Variants in AFTPH observed in about 807,000 individuals in gnomAD.
AFTPH encodes the protein aftiphilin, also known as aftiphilin protein.
AFTPH carries 7 observed loss-of-function variants against 72.5 expected under a neutral mutation model. That is an observed-to-expected ratio of 0.10 (90% CI 0.05 to 0.18). AFTPH has a LOEUF of 0.18. Among genes scored for constraint, AFTPH ranks in the 10% least tolerant of loss-of-function variants. The probability of loss-of-function intolerance (pLI) is 1.00; values close to 1 mark genes in which losing one functional copy is unlikely to be tolerated. For synonymous variants in AFTPH, 337 were observed against 370.1 expected, an observed-to-expected ratio of 0.91 and a Z score of 1.03; for missense variants, 979 against 1,060.5, an observed-to-expected ratio of 0.92 and a Z score of 1.07.
intron 1 of AFTPH, among the ~76,000 whole-genome samples, chr2:64,533,492 A>AT (rs973029892): frequency 9.8e-5 from 15 of 152,330 alleles, no homozygotes; most frequent in African/African-American, 3.4e-4. Flanking sequence ...CCCATTTGTG[A>AT]TTTTTTAACA....
At chr2:64,524,729 G>A (rs1337114128) in intron 1 of AFTPH, 117 bp downstream of exon 1, 5 of 373,828 alleles carry the variant, frequency 1.3e-5, no homozygotes, top group Non-Finnish European at 1.4e-5. Flanking sequence ...CCGCGGAGCC[G>A]GGAGCTGTGA....
chr2:64,531,330 C>T (rs1669622663), intron 1 of AFTPH, among the ~76,000 whole-genome samples: 1 of 152,162 alleles, frequency 6.6e-6, no homozygotes, highest in African/African-American at 2.4e-5. Flanking sequence ...AATAAAATCA[C>T]TCCTACCAGC....
intron 1 of AFTPH, among the ~76,000 whole-genome samples, chr2:64,545,647 G>A (rs1450686009): frequency 1.5e-5 from 2 of 132,302 alleles, no homozygotes; most frequent in South Asian, 2.4e-4. Context: ...CAACCAGAAT[G>A]GACCTCGAGG....
chr2:64,591,005 T>G lies in AFTPH; in HGVS notation c.2580-880T>G, dbSNP rs74641999. Among the ~76,000 whole-genome samples, 1,156 of 152,314 alleles carry G rather than the reference T, an allele frequency of 7.6e-3. 11 individuals are homozygous for G. Among genetic ancestry groups the G allele is most frequent in the African/African-American group, 0.026 (1,079 of 41,554 alleles). On this transcript the variant is annotated intron_variant, in intron 8 of 8. Coordinates refer to ENST00000238856, the Ensembl canonical transcript of AFTPH. ...TTTTATAATGAACAACTTGAAATGA[T>G]TTTTGGTCTAAAGCGAATAATATGT...
chr2:64,538,362 T>C (rs1395883174), intron 1 of AFTPH, among the ~76,000 whole-genome samples: 1 of 152,224 alleles, frequency 6.6e-6, no homozygotes, highest in Non-Finnish European at 1.5e-5. Context: ...GTCAACCAGC[T>C]AGGAATTTGT....
chr2:64,574,819 C>G (rs58076651), intron 6 of AFTPH, among the ~76,000 whole-genome samples: 1 of 152,184 alleles, frequency 6.6e-6, no homozygotes, highest in African/African-American at 2.4e-5. Context: ...TGCCCTGATA[C>G]GCCCTCTGGC....
intron 2 of AFTPH, among the ~76,000 whole-genome samples, chr2:64,567,248 C>T (rs186652184): frequency 8.5e-5 from 13 of 152,262 alleles, no homozygotes; most frequent in Admixed American, 8.5e-4. Context: ...ATTGCTTTCT[C>T]ACTGTACAAT....
chr2:64,591,687 G>A (rs934881726), intron 8 of AFTPH, among the ~76,000 whole-genome samples: 4 of 152,058 alleles, frequency 2.6e-5, no homozygotes, highest in East Asian at 3.9e-4. Flanking sequence ...TAAATAGGCC[G>A]CACGTCACTC....
chr2:64,532,082 A>G (rs1195151565), intron 1 of AFTPH, among the ~76,000 whole-genome samples: 2 of 152,196 alleles, frequency 1.3e-5, no homozygotes, highest in African/African-American at 2.4e-5. Context: ...TCTGAAAGAA[A>G]TATGTGTAGG....
Position 64,540,425 on chromosome 2 carries a change from A to G in AFTPH, c.-32-11018A>G, listed in dbSNP as rs572831980. On this transcript the variant is annotated intron_variant, in intron 1 of 8. Transcript: ENST00000238856. The stretch of plus-strand genomic sequence containing the variant: ...GATATGATGAGTTAAAGGTACAACA[A>G]TCTCTAATATTTTTATCTTGTTTAA... 4.6e-5 allele frequency among the ~76,000 whole-genome samples: 7 copies of G among 152,284 alleles called. No individual in the cohort carries two copies. The South Asian group carries it at 1.4e-3, about 32-fold the overall frequency.
At chr2:64,585,570 C>G in intron 8 of AFTPH, 25 bp downstream of exon 9, 1 of 1,573,426 alleles carries the variant, frequency 6.4e-7, no homozygotes, top group South Asian at 1.2e-5. Context: ...TCAATTATAC[C>G]CACATTTTGA....
intron 6 of AFTPH, among the ~76,000 whole-genome samples, chr2:64,577,721 G>A (rs1189750334): frequency 6.6e-6 from 1 of 152,212 alleles, no homozygotes; most frequent in Middle Eastern, 3.4e-3. Context: ...TGTGCAGGTA[G>A]GTTATAAACT....
At chr2:64,548,715 T>G (rs1209008758) in intron 1 of AFTPH, among the ~76,000 whole-genome samples, 1 of 152,028 alleles carries the variant, frequency 6.6e-6, no homozygotes, top group African/African-American at 2.4e-5. Context: ...TAGTTAGAGG[T>G]CAGATTACCT....
exon 2 of AFTPH, chr2:64,552,100 G>T (rs376875544): frequency 1.9e-6 from 3 of 1,614,022 alleles, no homozygotes; most frequent in East Asian, 2.2e-5. Context: ...TCAAAGGGAC[G>T]GAAGCCTCTT....
At chr2:64,572,902 C>A in intron 5 of AFTPH, 44 bp from the exon 6 acceptor site, 1 of 1,604,804 alleles carries the variant, frequency 6.2e-7, no homozygotes, top group Non-Finnish European at 8.5e-7. Flanking sequence ...AGTTTATGGG[C>A]TGTGCACCCC....
intron 1 of AFTPH, chr2:64,525,650 T>C (rs1365239721): frequency 6.5e-6 from 1 of 152,986 alleles, no homozygotes; most frequent in African/African-American, 2.4e-5. Flanking sequence ...CACTTAATTG[T>C]TGCTTTCAGT....
intron 5 of AFTPH, among the ~76,000 whole-genome samples, chr2:64,572,220 CAA>C (rs34614295): frequency 1.5e-4 from 17 of 116,808 alleles, no homozygotes; most frequent in South Asian, 2.8e-4. Context: ...AACTCTGTCT[CAA>C]AAAAAAAAAA....
chr2:64,552,223 G>A, exon 2 of AFTPH: 2 of 1,613,868 alleles, frequency 1.2e-6, no homozygotes, highest in South Asian at 1.1e-5. Context: ...GAAATAGAAT[G>A]TGCAGTTTTA....
intron 5 of AFTPH, among the ~76,000 whole-genome samples, chr2:64,572,409 C>T (rs1227269981): frequency 2.0e-5 from 3 of 151,994 alleles, no homozygotes; most frequent in African/African-American, 7.3e-5. Context: ...TATTATATGG[C>T]GTGTTTTACA....
Sources: gnomAD v4.1 joint callset for allele counts (sites outside exome capture counted in the v4.1 genomes callset) on GRCh38, gnomAD v4.1.1 for gene constraint, MANE v1.5 for transcripts, NCBI Gene and HGNC (gene_info 2026-07-23, HGNC 2026-07-21) for gene names.